The following WDFY4 variants were observed in gnomAD, a reference collection of about 807,000 sequenced individuals.
WDFY4 encodes the protein WD repeat- and FYVE domain-containing protein 4.
A neutral mutation model predicts 351.9 loss-of-function variants in WDFY4; 169 were observed. That is an observed-to-expected ratio of 0.48 (90% CI 0.42 to 0.55). WDFY4 has a LOEUF of 0.55. WDFY4 is among the 20% of genes least tolerant of loss of function. WDFY4 has a pLI of 0.00. For missense variants in WDFY4, 3,803 were observed against 3,935.6 expected (o/e 0.97, Z 0.90); for synonymous variants, 1,622 against 1,574.6 (o/e 1.03, Z -0.71).
At chr10:48,738,818 C>T (rs1047945523) in intron 11 of WDFY4, among the ~76,000 whole-genome samples, 11 of 152,172 alleles carry the variant, frequency 7.2e-5, no homozygotes, top group Admixed American at 3.9e-4. Flanking sequence ...TGAGAGGGTG[C>T]CCCTTCTTAT....
intron 47 of WDFY4, among the ~76,000 whole-genome samples, chr10:48,915,616 T>C (rs60337852): frequency 0.012 from 1,818 of 152,232 alleles, 24 homozygotes; most frequent in African/African-American, 0.031. Context: ...TGTGGGAATA[T>C]AGTTGTATGT....
chr10:48,777,319 C>A, intron 16 of WDFY4, 100 bp from the exon 17 acceptor site: 2 of 1,137,808 alleles, frequency 1.8e-6, no homozygotes, highest in Non-Finnish European at 2.6e-6. Context: ...ACAGTGCCGG[C>A]AGGAGGGTAG....
intron 36 of WDFY4, among the ~76,000 whole-genome samples, chr10:48,828,523 T>C (rs1274994516): frequency 6.6e-6 from 1 of 152,194 alleles, no homozygotes; most frequent in East Asian, 1.9e-4. Flanking sequence ...ACAGGGGGAC[T>C]GCTGGCAGCA....
At chr10:48,887,305 G>A (rs58465807) in intron 43 of WDFY4, among the ~76,000 whole-genome samples, 394 of 152,334 alleles carry the variant, frequency 2.6e-3, no homozygotes, top group African/African-American at 9.0e-3. Context: ...TGAGGTTGGG[G>A]TCTCTGAGTC....
At chr10:48,722,470 C>T (rs997998806) in intron 4 of WDFY4, among the ~76,000 whole-genome samples, 1 of 152,206 alleles carries the variant, frequency 6.6e-6, no homozygotes, top group Non-Finnish European at 1.5e-5. Context: ...GTACATTGCA[C>T]TGTAAACCTT....
At chr10:48,857,705 G>A (rs1037565852) in intron 39 of WDFY4, among the ~76,000 whole-genome samples, 14 of 152,098 alleles carry the variant, frequency 9.2e-5, no homozygotes, top group Admixed American at 6.6e-4. Flanking sequence ...GGAACAAAGT[G>A]TACTAAGGTC....
At chr10:48,813,934 A>G in intron 30 of WDFY4, 23 bp from the exon 31 acceptor site, 1 of 1,513,680 alleles carries the variant, frequency 6.6e-7, no homozygotes, top group Non-Finnish European at 8.9e-7. Flanking sequence ...AGGTCTGCTT[A>G]CAGCTCCTGC....
intron 25 of WDFY4, 75 bp from the exon 26 acceptor site, chr10:48,805,185 C>G (rs1172578371): frequency 1.3e-6 from 2 of 1,485,886 alleles, no homozygotes; most frequent in Non-Finnish European, 1.8e-6. Flanking sequence ...GCTTGAAAAA[C>G]CTTTTTAGCA....
chr10:48,898,071 G>A (rs1205246809), intron 45 of WDFY4, among the ~76,000 whole-genome samples: 2 of 152,112 alleles, frequency 1.3e-5, no homozygotes, highest in African/African-American at 2.4e-5. Flanking sequence ...AGTGGTTTAG[G>A]GATCTCCCAG....
At chr10:48,896,651 C>G (rs78571313) in intron 44 of WDFY4, among the ~76,000 whole-genome samples, 6,217 of 152,214 alleles carry the variant, frequency 0.041, 203 homozygotes, top group East Asian at 0.13. Flanking sequence ...TTGCCTTCCT[C>G]TGCTCCACTC....
At chr10:48,723,875 T>C (rs2064174668) in intron 5 of WDFY4, among the ~76,000 whole-genome samples, 1 of 152,082 alleles carries the variant, frequency 6.6e-6, no homozygotes, top group Admixed American at 6.6e-5. Context: ...CCTGGGTCCA[T>C]ACAAACTGAG....
chr10:48,709,955 CTATTCCTAAAGGT>C lies in WDFY4; in HGVS notation c.226_234+4del. ...GAAGAGCCTGTTGAGTCTTCTCCCC[CTATTCCTAAAGGT>C]TAGTGTTCTTATTTTTGAAACTGTA... is the stretch of plus-strand genomic sequence containing the variant. On this transcript the variant is annotated splice_donor_variant and coding_sequence_variant, in exon 2 of 62. Transcript: ENST00000325239. LOFTEE classifies it high-confidence loss of function. 1 of 1,551,180 alleles carries C rather than the reference CTATTCCTAAAGGT, an allele frequency of 6.4e-7. No individual in the cohort carries two copies. The highest frequency in any genetic ancestry group is 8.7e-7 in the Non-Finnish European group (1 of 1,146,470).
intron 2 of WDFY4, among the ~76,000 whole-genome samples, chr10:48,717,175 A>C (rs937068439): frequency 5.9e-5 from 9 of 152,218 alleles, no homozygotes; most frequent in African/African-American, 2.2e-4. Context: ...GCATAGTGTA[A>C]GTGTTTGGCA....
intron 61 of WDFY4, 114 bp downstream of exon 61, chr10:48,981,592 AGGACAT>A: frequency 3.3e-6 from 3 of 909,806 alleles, no homozygotes; most frequent in Non-Finnish European, 5.0e-6. Context: ...ACTTCACTCC[AGGACAT>A]GGCCCCACCA....
intron 39 of WDFY4, among the ~76,000 whole-genome samples, chr10:48,833,445 G>C (rs939443868): frequency 3.9e-5 from 6 of 152,144 alleles, no homozygotes; most frequent in Non-Finnish European, 2.9e-5. Context: ...ATAATGGAGA[G>C]AGAGAGCTCA....
At chr10:48,957,359 C>T (rs1436633424) in intron 52 of WDFY4, 77 bp downstream of exon 52, 1 of 1,509,188 alleles carries the variant, frequency 6.6e-7, no homozygotes, top group Admixed American at 2.0e-5. Context: ...TGATGACCAA[C>T]ATCATCTGGA....
chr10:48,913,789 T>C, intron 47 of WDFY4: 2 of 1,613,958 alleles, frequency 1.2e-6, no homozygotes, highest in Non-Finnish European at 8.5e-7. Flanking sequence ...ACAGCGCGGA[T>C]GTTCTTGAGT....
chr10:48,694,871 C>A lies in WDFY4; in HGVS notation c.-18+9870C>A, dbSNP rs187899691. Among the ~76,000 whole-genome samples, 23 of 152,248 alleles carry A rather than the reference C, an allele frequency of 1.5e-4. No homozygotes were observed. The East Asian group carries it at 3.3e-3, about 22-fold the overall frequency. On this transcript the variant is annotated intron_variant, in intron 1 of 61. Coordinates refer to ENST00000325239, the MANE Select transcript of WDFY4 (RefSeq NM_001394531.1). ...AAGAAGACCTCCCAGACTTCTCCAC[C>A]CTCCCCAGTCTGGGCCATAAGCCTC...
chr10:48,882,657 G>A (rs112765744), intron 43 of WDFY4, among the ~76,000 whole-genome samples: 244 of 152,272 alleles, frequency 1.6e-3, no homozygotes, highest in Non-Finnish European at 2.7e-3. Flanking sequence ...GGGAGCCAGC[G>A]CATCACATAG....
Sources: allele counts gnomAD v4.1 joint callset (sites outside exome capture counted in the v4.1 genomes callset), GRCh38; gene constraint gnomAD v4.1.1; transcripts MANE v1.5; gene names NCBI Gene and HGNC (gene_info 2026-07-23, HGNC 2026-07-21).